The following RBMS2 variants were observed in gnomAD, a reference collection of about 807,000 sequenced individuals.
RBMS2 encodes RNA binding motif single stranded interacting protein 2.
In RBMS2, 38 loss-of-function variants were observed where a neutral mutation model predicts 58.4. The ratio of observed to expected loss-of-function variants is 0.65; its 90% confidence interval spans 0.50 to 0.85. RBMS2 has a LOEUF of 0.85. RBMS2 is among the 40% of genes least tolerant of loss of function. The pLI is 0.00. For missense variants in RBMS2, 367 were observed against 503.7 expected (o/e 0.73, Z 2.60); for synonymous variants, 151 against 180.7 (o/e 0.84, Z 1.32).
intron 1 of RBMS2, among the ~76,000 whole-genome samples, chr12:56,541,617 G>C (rs904277358): frequency 2.0e-5 from 3 of 152,212 alleles, no homozygotes; most frequent in Non-Finnish European, 4.4e-5. Context: ...GCTTATATTT[G>C]TGGGCTAGTA....
chr12:56,554,939 G>C (rs1277228260), intron 1 of RBMS2, among the ~76,000 whole-genome samples: 1 of 151,724 alleles, frequency 6.6e-6, no homozygotes, highest in Non-Finnish European at 1.5e-5. Flanking sequence ...TTTTCTCATT[G>C]ATGAGTATAT....
At chr12:56,586,782 A>G in intron 9 of RBMS2, 67 bp from the exon 10 acceptor site, 1 of 1,355,314 alleles carries the variant, frequency 7.4e-7, no homozygotes, top group Non-Finnish European at 1.1e-6. Flanking sequence ...TTTGTTGAAC[A>G]TTATTAGATC....
At chr12:56,564,109 G>A (rs1880907360) in intron 2 of RBMS2, among the ~76,000 whole-genome samples, 2 of 151,630 alleles carry the variant, frequency 1.3e-5, no homozygotes, top group Admixed American at 1.3e-4. Context: ...CACCACATCG[G>A]GCTAATTTTT....
At chr12:56,539,281 T>C (rs1262137941) in intron 1 of RBMS2, among the ~76,000 whole-genome samples, 1 of 152,138 alleles carries the variant, frequency 6.6e-6, no homozygotes, top group Non-Finnish European at 1.5e-5. Flanking sequence ...CCTCCCAAAG[T>C]ACTAGGATTA....
chr12:56,530,952 A>T (rs1191710894), intron 1 of RBMS2, among the ~76,000 whole-genome samples: 1 of 152,136 alleles, frequency 6.6e-6, no homozygotes, highest in Non-Finnish European at 1.5e-5. Flanking sequence ...TTAAGAACTC[A>T]CAGTCAAAAC....
intron 1 of RBMS2, among the ~76,000 whole-genome samples, chr12:56,537,200 C>T (rs899263675): frequency 1.3e-5 from 2 of 152,118 alleles, no homozygotes; most frequent in African/African-American, 2.4e-5. Context: ...GGATTACAGG[C>T]GTGAGGCGCC....
At chr12:56,579,843 A>C (rs1883669434) in intron 5 of RBMS2, among the ~76,000 whole-genome samples, 1 of 152,208 alleles carries the variant, frequency 6.6e-6, no homozygotes, top group Non-Finnish European at 1.5e-5. Context: ...CCTTTGATCT[A>C]CACAACACCA....
chr12:56,527,644 CA>C (rs907211907), intron 1 of RBMS2, among the ~76,000 whole-genome samples: 42 of 147,560 alleles, frequency 2.8e-4, no homozygotes, highest in Admixed American at 4.7e-4. Context: ...AAAACAAAAA[CA>C]AAAAAAAAAC....
intron 4 of RBMS2, 152 bp from the exon 5 acceptor site, chr12:56,571,546 G>T: frequency 1.4e-6 from 1 of 721,394 alleles, no homozygotes; most frequent in South Asian, 3.1e-5. Flanking sequence ...ACAACCCGTG[G>T]TAGTGGGACT....
chr12:56,586,781 C>T (rs1884728243), intron 9 of RBMS2, 68 bp from the exon 10 acceptor site: 1 of 1,333,460 alleles, frequency 7.5e-7, no homozygotes, highest in Admixed American at 1.8e-5. Context: ...CTTTGTTGAA[C>T]ATTATTAGAT....
At chr12:56,565,896 G>A (rs550602770) in intron 2 of RBMS2, among the ~76,000 whole-genome samples, 91 of 152,266 alleles carry the variant, frequency 6.0e-4, no homozygotes, top group African/African-American at 2.1e-3. Context: ...CAGTGACCCA[G>A]CTGTTGCCAG....
At chr12:56,573,050 T>C in intron 5 of RBMS2, 1 of 959,362 alleles carries the variant, frequency 1.0e-6, no homozygotes, top group Non-Finnish European at 1.2e-6. Flanking sequence ...AAGGAGATTC[T>C]TTTGACTTTT....
chr12:56,587,123 C>A (rs1884778698), intron 10 of RBMS2, among the ~76,000 whole-genome samples, 197 bp downstream of exon 10: 1 of 152,150 alleles, frequency 6.6e-6, no homozygotes, highest in South Asian at 2.1e-4. Context: ...AAAAATTAGC[C>A]AGGTGTAGTG....
chr12:56,549,497 C>A (rs576770302), intron 1 of RBMS2, among the ~76,000 whole-genome samples: 2 of 152,176 alleles, frequency 1.3e-5, no homozygotes, highest in East Asian at 3.9e-4. Context: ...TAGTTTCATG[C>A]GACTCAGTAA....
intron 1 of RBMS2, among the ~76,000 whole-genome samples, chr12:56,525,300 C>T (rs1303611359): frequency 2.0e-5 from 3 of 152,086 alleles, no homozygotes; most frequent in African/African-American, 7.2e-5. Context: ...TGGCTCCCTG[C>T]AACCTCAGTC....
At chr12:56,580,072 G>A (rs1883709965) in intron 5 of RBMS2, among the ~76,000 whole-genome samples, 2 of 151,802 alleles carry the variant, frequency 1.3e-5, no homozygotes, top group African/African-American at 4.8e-5. Flanking sequence ...TGGGACTACT[G>A]GCACGCACCA....
Position 56,571,854 on chromosome 12 carries a change from A to C in RBMS2, c.541A>C (p.Arg181=). ...SGTSRGVGFA[R]MESTEKCEAI... The stretch of plus-strand genomic sequence containing the variant: ...GACCAGCAGAGGTGTTGGCTTTGCA[A>C]GGTGAGGATGGCAGGAGTGGGGAAA... The change falls in exon 5 of 14, where the codon AGG becomes CGG. Residue 181 remains arginine (R), a splice_region_variant and synonymous_variant. Transcript: ENST00000262031. The C allele has an allele frequency of 1.9e-6, 3 of 1,544,886 alleles. No individual in the cohort carries two copies. The highest frequency in any genetic ancestry group is 2.6e-6 in the Non-Finnish European group (3 of 1,142,366).
At chr12:56,544,040 G>T (rs545535239) in intron 1 of RBMS2, among the ~76,000 whole-genome samples, 6 of 152,030 alleles carry the variant, frequency 3.9e-5, no homozygotes, top group African/African-American at 1.2e-4. Flanking sequence ...CAGTTTGGGA[G>T]GCCAAGGCAG....
intron 5 of RBMS2, among the ~76,000 whole-genome samples, chr12:56,578,378 C>T (rs935494986): frequency 2.0e-5 from 3 of 152,138 alleles, no homozygotes; most frequent in Non-Finnish European, 4.4e-5. Context: ...ATCCACCCAA[C>T]TCGGTTTCCC....
Sources: gnomAD v4.1 joint callset for allele counts (sites outside exome capture counted in the v4.1 genomes callset) on GRCh38, gnomAD v4.1.1 for gene constraint, MANE v1.5 for transcripts, NCBI Gene and HGNC (gene_info 2026-07-23, HGNC 2026-07-21) for gene names.